Variants in RSF1 observed in about 807,000 individuals in gnomAD.
RSF1 encodes remodeling and spacing factor 1.
RSF1 carries 13 observed loss-of-function variants against 145.2 expected under a neutral mutation model. The ratio of observed to expected loss-of-function variants is 0.09; its 90% CI spans 0.06 to 0.14. RSF1 has a LOEUF of 0.14. Ranked by LOEUF, RSF1 falls within the 10% of genes least tolerant of loss-of-function variation. The probability of loss-of-function intolerance (pLI) is 1.00; values close to 1 mark genes in which losing one functional copy is unlikely to be tolerated. For missense variants in RSF1, 1,517 were observed against 1,718.2 expected, an observed-to-expected ratio of 0.88 and a Z score of 2.07; for synonymous variants, 577 against 592.6, an observed-to-expected ratio of 0.97 and a Z score of 0.38.
intron 1 of RSF1, among the ~76,000 whole-genome samples, chr11:77,771,084 G>C (rs907122242): frequency 2.0e-5 from 3 of 152,214 alleles, no homozygotes; most frequent in South Asian, 4.1e-4. Context: ...TCATAGAGAG[G>C]AATAAGGGGG....
the RSF1 span, among the ~76,000 whole-genome samples, chr11:77,848,584 G>A: frequency 3.3e-5 from 5 of 152,010 alleles, no homozygotes; most frequent in Non-Finnish European, 5.9e-5. Context: ...GGTCTCGAAC[G>A]CCTGACCTCA....
At chr11:77,679,318 T>C (rs1484193507) in intron 11 of RSF1, among the ~76,000 whole-genome samples, 2 of 152,236 alleles carry the variant, frequency 1.3e-5, no homozygotes, top group Admixed American at 6.5e-5. Flanking sequence ...CAACTCCTAA[T>C]TATACAAATC....
chr11:77,841,881 C>T, the RSF1 span, among the ~76,000 whole-genome samples: 1 of 152,194 alleles, frequency 6.6e-6, no homozygotes, highest in Non-Finnish European at 1.5e-5. Flanking sequence ...CCTTTTTAAA[C>T]TGATAATGGC....
Position 77,723,564 on chromosome 11 carries a change from C to A in RSF1, c.733+1981G>T, listed in dbSNP as rs1022173298. On this transcript the variant is annotated intron_variant, in intron 5 of 15. Coordinates refer to ENST00000308488, the MANE Select transcript of RSF1 (RefSeq NM_016578.4). ...GAAATTGGGCTTAGAAATAAAACCA[C>A]CACAGACATTTGAAATAAAACCACA... 2.0e-5 allele frequency among the ~76,000 whole-genome samples: 3 copies of A among 152,156 alleles called. No homozygotes were observed. In the East Asian group the frequency reaches 5.8e-4, roughly 29 times the overall value.
chr11:77,854,424 A>G, the RSF1 span, among the ~76,000 whole-genome samples: 2 of 152,246 alleles, frequency 1.3e-5, no homozygotes, highest in Non-Finnish European at 2.9e-5. Context: ...CCAAGATACA[A>G]TGGGGTTATA....
chr11:77,805,516 T>C (rs906425729), intron 1 of RSF1, among the ~76,000 whole-genome samples: 7 of 151,988 alleles, frequency 4.6e-5, no homozygotes, highest in Non-Finnish European at 8.8e-5. Context: ...GACAAAACAA[T>C]TGGGTACAAA....
intron 1 of RSF1, among the ~76,000 whole-genome samples, chr11:77,797,582 C>T (rs1426161762): frequency 2.0e-5 from 3 of 152,102 alleles, no homozygotes; most frequent in Non-Finnish European, 4.4e-5. Context: ...TGGCCAATAC[C>T]ATCCAGGACA....
At chr11:77,712,556 C>A (rs1419186187) in intron 5 of RSF1, among the ~76,000 whole-genome samples, 1 of 152,104 alleles carries the variant, frequency 6.6e-6, no homozygotes, top group Non-Finnish European at 1.5e-5. Context: ...GATAAATATC[C>A]TGGGGGAGAT....
At position 77,700,714 on chromosome 11, in the gene RSF1, G is replaced by C. The variant is rs1240541791; in HGVS notation, c.2508+7C>G. 9 of 1,552,190 alleles carry C rather than the reference G, an allele frequency of 5.8e-6. No individual in the cohort carries two copies. Among genetic ancestry groups the C allele is most frequent in the Non-Finnish European group, 7.8e-6 (9 of 1,157,566 alleles). ...ATATTTTTAATTAAAGTTAAGACAA[G>C]TTTTACCTTGCTTACTTTAGAATTT... On this transcript the variant is annotated splice_region_variant and intron_variant, in intron 6 of 15. Coordinates refer to ENST00000308488, the MANE Select transcript of RSF1 (RefSeq NM_016578.4).
At chr11:77,698,399 A>T in intron 7 of RSF1, 88 bp downstream of exon 7, 1 of 1,039,744 alleles carries the variant, frequency 9.6e-7, no homozygotes, top group Non-Finnish European at 1.5e-6. Flanking sequence ...AAATTCAAAT[A>T]ATGATAAAAC....
Position 77,667,242 on chromosome 11 carries a change from T to G in RSF1, c.4001A>C (p.Gln1334Pro). The stretch of plus-strand genomic sequence containing the variant: ...CCGGTAGGGCTTCTTGGTGCTCTCT[T>G]GTTCTGAGGGCAGGACCCTAGGCTG... ...DSQPRVLPSE[Q>P]ESTKKPYRIE... is the part of the protein sequence containing the mutation. Residue 1334 changes from glutamine to proline, a missense_variant, in exon 16 of 16, where the codon CAA becomes CCA. Around this residue, in one of 12 missense-constraint regions of RSF1, gnomAD observed 240 missense variants for 231.8 expected, o/e 1.04. Transcript: ENST00000308488. The G allele has an allele frequency of 6.2e-7, 1 of 1,614,218 alleles. No individual in the cohort carries two copies. The highest frequency in any genetic ancestry group is 8.5e-7 in the Non-Finnish European group (1 of 1,180,026).
chr11:77,848,566 G>A, the RSF1 span, among the ~76,000 whole-genome samples: 145 of 152,182 alleles, frequency 9.5e-4, 1 homozygote, highest in Non-Finnish European at 1.6e-4. Flanking sequence ...CACCATGTTG[G>A]CCAGGTTGGT....
chr11:77,759,663 G>A (rs1269237969), intron 2 of RSF1, among the ~76,000 whole-genome samples: 1 of 152,056 alleles, frequency 6.6e-6, no homozygotes, highest in Admixed American at 6.6e-5. Context: ...ACTCCAGCCT[G>A]GCGAAAAAGC....
chr11:77,735,044 G>A, intron 4 of RSF1: 2 of 1,359,634 alleles, frequency 1.5e-6, no homozygotes, highest in Non-Finnish European at 2.1e-6. Flanking sequence ...ACTAAGGAGA[G>A]GTGGCGGCGG....
In RSF1 at chr11:77,738,942, A is replaced by G. The variant is rs573409253; in HGVS notation, c.578+1789T>C. 270 of 151,652 alleles carry G rather than the reference A, an allele frequency of 1.8e-3. 2 individuals are homozygous for G. Among genetic ancestry groups the G allele is most frequent in the Non-Finnish European group, 3.2e-3 (219 of 67,992 alleles). 9.4% of individuals were successfully genotyped at this position (151,652 alleles called of 1,614,324 possible). ...CATAATCTGCCCACCTCAGCCCCCAAAGTGCTGGGATTACAGGCGTGACCC... is the reference window on the plus strand; with the variant it reads ...CATAATCTGCCCACCTCAGCCCCCAGAGTGCTGGGATTACAGGCGTGACCC... On this transcript the variant is annotated intron_variant, in intron 4 of 15. Coordinates refer to ENST00000308488, the MANE Select transcript of RSF1 (RefSeq NM_016578.4).
At chr11:77,844,435 G>GC in the RSF1 span, among the ~76,000 whole-genome samples, 60 of 151,656 alleles carry the variant, frequency 4.0e-4, no homozygotes, top group African/African-American at 1.4e-3. Context: ...AGATCATGGC[G>GC]CACTGTAGTC....
chr11:77,810,555 T>C (rs1948720586), intron 1 of RSF1, among the ~76,000 whole-genome samples: 1 of 152,158 alleles, frequency 6.6e-6, no homozygotes, highest in Non-Finnish European at 1.5e-5. Flanking sequence ...GGTTCCTTTT[T>C]ATTTTTATTT....
the RSF1 span, among the ~76,000 whole-genome samples, chr11:77,863,367 A>C: frequency 6.6e-6 from 1 of 152,124 alleles, no homozygotes; most frequent in Non-Finnish European, 1.5e-5. Flanking sequence ...GTGGACGGTG[A>C]GCGAAAACTC....
At chr11:77,716,410 T>C (rs1960810457) in intron 5 of RSF1, among the ~76,000 whole-genome samples, 1 of 152,148 alleles carries the variant, frequency 6.6e-6, no homozygotes, top group Non-Finnish European at 1.5e-5. Flanking sequence ...GAAAATATGA[T>C]CTATATACAT....
Sources: allele counts gnomAD v4.1 joint callset (sites outside exome capture counted in the v4.1 genomes callset), GRCh38; gene constraint gnomAD v4.1.1; regional missense constraint gnomAD v4.1.1; transcripts MANE v1.5; gene names NCBI Gene and HGNC (gene_info 2026-07-23, HGNC 2026-07-21).